CNTN4: variants seen among roughly 807,000 people sequenced by gnomAD.
The protein encoded by CNTN4 is contactin 4.
In CNTN4, 77 loss-of-function variants were observed where a neutral mutation model predicts 122.5. The observed-to-expected ratio is 0.63, with a 90% confidence interval of 0.52 to 0.76. CNTN4 has a LOEUF of 0.76. Ranked by LOEUF, CNTN4 falls within the 30% of genes least tolerant of loss-of-function variation. CNTN4 has a pLI of 0.00. For synonymous variants in CNTN4, 512 were observed against 447.0 expected (o/e 1.15, Z -1.83); for missense variants, 1,256 against 1,259.1 (o/e 1.00, Z 0.04).
chr3:2,343,912 T>A (rs1185463022), intron 3 of CNTN4, among the ~76,000 whole-genome samples: 1 of 152,112 alleles, frequency 6.6e-6, no homozygotes, highest in African/African-American at 2.4e-5. Context: ...CTCAGGAAAC[T>A]TACAATTATG....
In CNTN4 at chr3:2,213,906, G is replaced by A. The variant is rs566148617; in HGVS notation, c.-145+113267G>A. ...TGGAATGAGGTTGGCAACAAACCAC[G>A]ATGGGCTCATTGGCATGCTATAGCC... On this transcript the variant is annotated intron_variant, in intron 2 of 24. Coordinates refer to ENST00000418658, the MANE Select transcript of CNTN4 (RefSeq NM_175607.3). Among the ~76,000 whole-genome samples the A allele has an allele frequency of 2.6e-5, 4 of 152,282 alleles. No homozygotes were observed. In the South Asian group the frequency reaches 6.2e-4, roughly 24 times the overall value.
intron 13 of CNTN4, among the ~76,000 whole-genome samples, chr3:2,932,558 C>T (rs981865045): frequency 6.6e-5 from 10 of 151,984 alleles, no homozygotes; most frequent in Non-Finnish European, 1.5e-4. Context: ...TTCCTTGGCT[C>T]GTGGTCCCTT....
At chr3:2,283,398 C>T (rs1453488291) in intron 2 of CNTN4, among the ~76,000 whole-genome samples, 1 of 152,046 alleles carries the variant, frequency 6.6e-6, no homozygotes, top group Non-Finnish European at 1.5e-5. Context: ...TCCACAAATG[C>T]ACTCCATCTC....
At chr3:2,598,569 C>G (rs375691581) in intron 4 of CNTN4, among the ~76,000 whole-genome samples, 19 of 152,216 alleles carry the variant, frequency 1.2e-4, no homozygotes, top group African/African-American at 4.6e-4. Context: ...TAATATGGTA[C>G]TTGAACTGCA....
chr3:2,279,947 G>GAT (rs770273127), intron 2 of CNTN4, among the ~76,000 whole-genome samples: 6 of 151,234 alleles, frequency 4.0e-5, no homozygotes, highest in Non-Finnish European at 8.8e-5. Context: ...TCTTGCTCTA[G>GAT]ATATATATCT....
intron 2 of CNTN4, among the ~76,000 whole-genome samples, chr3:2,121,096 C>T (rs895934697): frequency 6.6e-6 from 1 of 151,906 alleles, no homozygotes; most frequent in South Asian, 2.1e-4. Flanking sequence ...TCCTTCCCTC[C>T]CTTCTTCCTT....
intron 2 of CNTN4, among the ~76,000 whole-genome samples, chr3:2,280,587 G>A (rs1186725444): frequency 1.3e-5 from 2 of 152,136 alleles, no homozygotes; most frequent in African/African-American, 4.8e-5. Flanking sequence ...ACATTGAAGG[G>A]TCTTTAGCTA....
intron 2 of CNTN4, among the ~76,000 whole-genome samples, chr3:2,217,669 G>C (rs2038901908): frequency 7.9e-6 from 1 of 127,110 alleles, no homozygotes; most frequent in Admixed American, 7.9e-5. Flanking sequence ...AAAGGCCTGA[G>C]AAAAGCATTA....
chr3:3,025,621 A>G lies in CNTN4; in HGVS notation c.1487-481A>G, dbSNP rs116557140. Among the ~76,000 whole-genome samples, 1,075 of 152,224 alleles carry G rather than the reference A, an allele frequency of 7.1e-3. 20 individuals carry two copies. The highest frequency in any genetic ancestry group is 0.025 in the African/African-American group (1,038 of 41,528). On this transcript the variant is annotated intron_variant, in intron 14 of 24. Coordinates refer to ENST00000418658, the MANE Select transcript of CNTN4 (RefSeq NM_175607.3). Reference sequence around the variant, plus strand: ...GATTTGTTTTTCTATTCCTTCTTTTAATTTTCCTGAATTTCCTAAATTACC... The same window carrying G: ...GATTTGTTTTTCTATTCCTTCTTTTGATTTTCCTGAATTTCCTAAATTACC...
At position 2,379,882 on chromosome 3, in the gene CNTN4, C is replaced by T. The variant is rs372497112; in HGVS notation, c.-89+40649C>T. On this transcript the variant is annotated intron_variant, in intron 3 of 24. Transcript: ENST00000418658. ...CCAACCTGACAAACATGGAGAAACC[C>T]CATCTCTAGGAAAAATACAAAAAAA... 2.6e-5 allele frequency among the ~76,000 whole-genome samples: 4 copies of T among 151,990 alleles called. No individual in the cohort carries two copies. In the East Asian group the frequency reaches 5.8e-4, roughly 22 times the overall value.
intron 6 of CNTN4, among the ~76,000 whole-genome samples, chr3:2,782,650 G>A (rs1322907149): frequency 6.6e-6 from 1 of 152,162 alleles, no homozygotes; most frequent in Non-Finnish European, 1.5e-5. Context: ...AGGAGACCAG[G>A]TGTCATGATT....
intron 4 of CNTN4, among the ~76,000 whole-genome samples, chr3:2,627,865 T>A (rs566090698): frequency 3.3e-5 from 5 of 152,332 alleles, no homozygotes; most frequent in Non-Finnish European, 7.3e-5. Flanking sequence ...CAGGATTAAT[T>A]AACAGATTAA....
At chr3:2,276,684 CT>C (rs1359787170) in intron 2 of CNTN4, among the ~76,000 whole-genome samples, 1 of 152,088 alleles carries the variant, frequency 6.6e-6, no homozygotes, top group African/African-American at 2.4e-5. Context: ...GTATACTAAT[CT>C]ATACTATATC....
chr3:2,747,136 G>A (rs2089814092), intron 6 of CNTN4, among the ~76,000 whole-genome samples: 3 of 151,488 alleles, frequency 2.0e-5, no homozygotes, highest in Admixed American at 1.3e-4. Flanking sequence ...CTGGGCCAGC[G>A]CGGTGGCTCA....
chr3:2,568,317 G>GAAGAAA (rs1559246787), intron 3 of CNTN4, among the ~76,000 whole-genome samples: 1 of 71,034 alleles, frequency 1.4e-5, no homozygotes. Context: ...GCAAGAATGT[G>GAAGAAA]AAAAAAAAAA....
chr3:2,812,731 C>A (rs2092642768), intron 6 of CNTN4, among the ~76,000 whole-genome samples: 1 of 152,110 alleles, frequency 6.6e-6, no homozygotes. Flanking sequence ...GACTTTGGAC[C>A]AGGCAGCATC....
chr3:2,820,353 A>G (rs897544094), intron 7 of CNTN4, among the ~76,000 whole-genome samples: 3 of 152,218 alleles, frequency 2.0e-5, no homozygotes, highest in Non-Finnish European at 4.4e-5. Context: ...ATAAACATAT[A>G]GAGAGAGTGA....
chr3:2,789,301 C>G lies in CNTN4; in HGVS notation c.359-30185C>G, dbSNP rs536324273. Among the ~76,000 whole-genome samples the G allele has an allele frequency of 8.5e-5, 13 of 152,134 alleles. 1 individual carries two copies. ...TAATTCCTAATCCAAGGAGCACTTG[C>G]AAGAATTGAAGATATGACACATGTA... On this transcript the variant is annotated intron_variant, in intron 6 of 24. Transcript: ENST00000418658.
intron 6 of CNTN4, among the ~76,000 whole-genome samples, chr3:2,755,863 T>C (rs1163296263): frequency 6.6e-6 from 1 of 152,164 alleles, no homozygotes; most frequent in Non-Finnish European, 1.5e-5. Context: ...AAGAGAACAA[T>C]TAATATTTTG....
Sources: gnomAD v4.1 joint callset for allele counts (sites outside exome capture counted in the v4.1 genomes callset) on GRCh38, gnomAD v4.1.1 for gene constraint, MANE v1.5 for transcripts, NCBI Gene and HGNC (gene_info 2026-07-23, HGNC 2026-07-21) for gene names.